Variants in RNF168 observed in about 807,000 individuals in gnomAD.
RNF168 encodes E3 ubiquitin-protein ligase RNF168.
A neutral mutation model predicts 34.9 loss-of-function variants in RNF168; 34 were observed. That is an observed-to-expected ratio of 0.97 (90% CI 0.74 to 1.30). The LOEUF (loss-of-function observed/expected upper bound fraction) is 1.30, where lower values mean the gene tolerates loss of function less well. RNF168 is among the 50% of genes most tolerant of loss of function. The pLI is 0.00. For missense variants in RNF168, 725 were observed against 682.5 expected (o/e 1.06, Z -0.69); for synonymous variants, 264 against 254.7 (o/e 1.04, Z -0.35).
intron 1 of RNF168, among the ~76,000 whole-genome samples, chr3:196,489,181 G>A (rs1732532117): frequency 6.6e-6 from 1 of 151,844 alleles, no homozygotes; most frequent in Admixed American, 6.6e-5. Context: ...TGAGGCCAGA[G>A]GTTTAGGGTT....
intron 1 of RNF168, among the ~76,000 whole-genome samples, chr3:196,500,684 G>A (rs77360449): frequency 6.6e-6 from 1 of 152,146 alleles, no homozygotes; most frequent in Non-Finnish European, 1.5e-5. Context: ...TTTTTAAGTG[G>A]TTAAAATGGT....
intron 4 of RNF168, 68 bp from the exon 5 acceptor site, chr3:196,475,380 G>C (rs2108645341): frequency 2.2e-6 from 2 of 900,088 alleles, no homozygotes; most frequent in Non-Finnish European, 3.7e-6. Flanking sequence ...ACATAATAAA[G>C]CTATTTATAC....
At chr3:196,486,680 TAG>T (rs1344363608) in intron 3 of RNF168, among the ~76,000 whole-genome samples, 1 of 152,208 alleles carries the variant, frequency 6.6e-6, no homozygotes, top group Non-Finnish European at 1.5e-5. Flanking sequence ...CCTTTGGGGA[TAG>T]AGACTGATAT....
chr3:196,476,152 G>A (rs911299205), intron 4 of RNF168, among the ~76,000 whole-genome samples: 7 of 152,044 alleles, frequency 4.6e-5, no homozygotes, highest in African/African-American at 1.2e-4. Flanking sequence ...GAGCCACTGC[G>A]CCCAGCGTAA....
chr3:196,494,673 T>A (rs984704539), intron 1 of RNF168, among the ~76,000 whole-genome samples: 1 of 152,138 alleles, frequency 6.6e-6, no homozygotes, highest in Non-Finnish European at 1.5e-5. Context: ...AATAAGCATA[T>A]GATTTGTGAA....
chr3:196,489,496 T>C (rs374129592), intron 1 of RNF168, among the ~76,000 whole-genome samples: 1 of 152,010 alleles, frequency 6.6e-6, no homozygotes, highest in Non-Finnish European at 1.5e-5. Context: ...CCAGCTAATT[T>C]TTGTATTTTT....
rs1316328427 is a variant in RNF168, at chr3:196,503,082, C to T, written c.92G>A (p.Cys31Tyr). 6.2e-7 allele frequency: 1 copy of T among 1,614,174 alleles called. No homozygotes were observed. Among genetic ancestry groups the T allele is most frequent in the Non-Finnish European group, 8.5e-7 (1 of 1,180,020 alleles). ...EILVEPVTLPCNHTLCKPCFQ... is the reference protein window; with the variant it reads ...EILVEPVTLPYNHTLCKPCFQ... ...GCACGGTTTACACAGCGTGTGGTTA[C>T]ACGGGAGGGTGACGGGCTCCACGAG... is the stretch of plus-strand genomic sequence containing the variant. Residue 31 changes from cysteine to tyrosine, a missense_variant, in exon 1 of 6, where the codon TGT (cysteine) becomes TAT (tyrosine). By Grantham distance (194) the Cys-to-Tyr change is radical. Coordinates refer to ENST00000318037, the MANE Select transcript of RNF168 (RefSeq NM_152617.4).
At chr3:196,496,927 C>A (rs987884406) in intron 1 of RNF168, among the ~76,000 whole-genome samples, 2 of 152,280 alleles carry the variant, frequency 1.3e-5, no homozygotes, top group Admixed American at 1.3e-4. Context: ...GGAGTATCAT[C>A]TGAGGTCAAG....
Position 196,503,613 on chromosome 3 carries a change from A to G in RNF168, c.-440T>C, listed in dbSNP as rs1375560891. ...AGGAAGCCCGGGCTCCGGCTGCAGC[A>G]TAACTTCCGCTTTACCGCTGCTGCG... is the stretch of plus-strand genomic sequence containing the variant. On this transcript the variant is annotated 5_prime_UTR_variant, in exon 1 of 6. The change abolishes an upstream ATG in the 5' untranslated region. Coordinates refer to ENST00000318037, the MANE Select transcript of RNF168 (RefSeq NM_152617.4). 1 of 236,536 alleles carries G rather than the reference A, an allele frequency of 4.2e-6. No homozygotes were observed. Among genetic ancestry groups the G allele is most frequent in the Non-Finnish European group, 8.6e-6 (1 of 116,814 alleles). The allele number at this position is 236,536 out of a possible 1,614,324, so 14.7% of individuals were successfully genotyped here. A position where few individuals can be genotyped will look rare whatever the true frequency, so the allele number is the denominator to read the frequency against.
At chr3:196,484,779 G>A (rs374156437) in intron 3 of RNF168, among the ~76,000 whole-genome samples, 10 of 151,568 alleles carry the variant, frequency 6.6e-5, no homozygotes, top group African/African-American at 1.9e-4. Context: ...TTAGCTTCTC[G>A]AGTAGCTAGG....
In RNF168 at chr3:196,469,910, TTAGTAAC is replaced by T. The variant is rs1560263945; in HGVS notation, c.*1902_*1908del. ...GCAGGTTTCCAAAAATTCACCCAATTTAGTAACTAATTTTGATTCTGATGCCTGATAG... is the reference window on the plus strand; with the variant it reads ...GCAGGTTTCCAAAAATTCACCCAATTTAATTTTGATTCTGATGCCTGATAG... On this transcript the variant is annotated 3_prime_UTR_variant, in exon 6 of 6. Coordinates refer to ENST00000318037, the MANE Select transcript of RNF168 (RefSeq NM_152617.4). The T allele has an allele frequency of 6.6e-6, 1 of 152,002 alleles. No individual in the cohort carries two copies. The highest frequency in any genetic ancestry group is 1.5e-5 in the Non-Finnish European group (1 of 67,974). 9.4% of individuals were successfully genotyped at this position (152,002 alleles called of 1,614,324 possible).
At chr3:196,502,054 G>GAAAAAAAAAAAAAA (rs554041803) in intron 1 of RNF168, among the ~76,000 whole-genome samples, 19 of 50,048 alleles carry the variant, frequency 3.8e-4, no homozygotes, top group East Asian at 6.4e-4. Flanking sequence ...AAAAAAATTA[G>GAAAAAAAAAAAAAA]AAAAAAAAAA....
chr3:196,481,382 G>A (rs1056130162), intron 4 of RNF168, among the ~76,000 whole-genome samples: 1 of 151,930 alleles, frequency 6.6e-6, no homozygotes, highest in African/African-American at 2.4e-5. Flanking sequence ...GGTTGCAGTG[G>A]GCCATGATCG....
rs780617756 is a variant in RNF168 at position 196,472,018 on chromosome 3, T to C, written c.1517A>G (p.Lys506Arg). ...TGAGCCTCTCTCTGGTGTTGGATGC[T>C]TTGTGTGAGTTTGCCTTTTGAAGTT... ...DGNFKRQTHT[K>R]HPTPERGSRD... Residue 506 changes from lysine to arginine, a missense_variant, in exon 6 of 6, where the codon AAG becomes AGG. By Grantham distance (26) the Lys-to-Arg change is conservative. Coordinates refer to ENST00000318037, the MANE Select transcript of RNF168 (RefSeq NM_152617.4). 1 of 1,614,130 alleles carries C rather than the reference T, an allele frequency of 6.2e-7. No homozygotes were observed. Among genetic ancestry groups the C allele is most frequent in the East Asian group, 2.2e-5 (1 of 44,892 alleles).
intron 4 of RNF168, among the ~76,000 whole-genome samples, chr3:196,475,637 G>A (rs112408725): frequency 0.17 from 24,045 of 144,886 alleles, 3,277 homozygotes; most frequent in African/African-American, 0.38. Flanking sequence ...TGCAAGCTCC[G>A]CCTCCCGAGT....
Position 196,471,912 on chromosome 3 carries a change from T to A in RNF168, c.1623A>T (p.Arg541Ser). ...CACTTTTGGATACCTTACAGTGATC[T>A]CTAGTAGAATTTGGCATCTTTCTTC... ...VNRRKMPNSTRDHCKVSKSAH... is the reference protein window; with the variant it reads ...VNRRKMPNSTSDHCKVSKSAH... The change falls in exon 6 of 6, where the codon AGA (arginine) becomes AGT (serine). Residue 541 changes from arginine to serine, a missense_variant. Coordinates refer to ENST00000318037, the MANE Select transcript of RNF168 (RefSeq NM_152617.4). 6.2e-7 allele frequency: 1 copy of A among 1,613,874 alleles called. No homozygotes were observed. Among genetic ancestry groups the A allele is most frequent in the Non-Finnish European group, 8.5e-7 (1 of 1,179,728 alleles).
At chr3:196,498,672 A>C (rs1732806850) in intron 1 of RNF168, among the ~76,000 whole-genome samples, 1 of 151,242 alleles carries the variant, frequency 6.6e-6, no homozygotes, top group South Asian at 2.1e-4. Context: ...ATGGTGGAAT[A>C]ATACTTAAAA....
At position 196,488,686 on chromosome 3, in the gene RNF168, A is replaced by G. The variant is rs2108650828; in HGVS notation, c.302-3T>C. On this transcript the variant is annotated splice_polypyrimidine_tract_variant and splice_region_variant and intron_variant, in intron 1 of 5. Coordinates refer to ENST00000318037, the MANE Select transcript of RNF168 (RefSeq NM_152617.4). ...ACGAACTGGCTGATAGTCATCAGCT[A>G]TTTCATATCAAAAAAGAAAATAACA... 6.3e-7 allele frequency: 1 copy of G among 1,582,516 alleles called. No individual in the cohort carries two copies. Among genetic ancestry groups the G allele is most frequent in the Middle Eastern group, 1.7e-4 (1 of 5,986 alleles).
chr3:196,491,043 G>A (rs747470482), intron 1 of RNF168, among the ~76,000 whole-genome samples: 156 of 152,264 alleles, frequency 1.0e-3, no homozygotes, highest in African/African-American at 2.7e-3. Flanking sequence ...AGCTGGGAGC[G>A]GTGGCTCACG....
Sources: allele counts gnomAD v4.1 joint callset (sites outside exome capture counted in the v4.1 genomes callset), GRCh38; gene constraint gnomAD v4.1.1; transcripts MANE v1.5; gene names NCBI Gene and HGNC (gene_info 2026-07-23, HGNC 2026-07-21).